The following LRBA variants were observed in gnomAD, a reference collection of about 807,000 sequenced individuals.
The protein encoded by LRBA is LPS responsive beige-like anchor protein.
In LRBA, 176 loss-of-function variants were observed where a neutral mutation model predicts 330.0. That is an observed-to-expected ratio of 0.53 (90% CI 0.47 to 0.60). The LOEUF is 0.60. LRBA is among the 20% of genes least tolerant of loss of function. The pLI is 0.00. For missense variants in LRBA, 3,259 were observed against 3,444.8 expected (o/e 0.95, Z 1.35); for synonymous variants, 1,230 against 1,193.0 (o/e 1.03, Z -0.64).
chr4:151,013,671 G>A (rs1462935073), intron 2 of LRBA: 1 of 152,050 alleles, frequency 6.6e-6, no homozygotes, highest in African/African-American at 2.4e-5. Flanking sequence ...GAACAGCCTG[G>A]GCAACATAGA....
intron 36 of LRBA, among the ~76,000 whole-genome samples, chr4:150,729,351 C>G (rs971269910): frequency 2.0e-5 from 3 of 152,076 alleles, no homozygotes; most frequent in African/African-American, 7.2e-5. Flanking sequence ...TATATGCCAA[C>G]AGTGAACAAT....
intron 38 of LRBA, among the ~76,000 whole-genome samples, chr4:150,598,699 C>A (rs997784882): frequency 8.5e-5 from 13 of 152,104 alleles, no homozygotes; most frequent in African/African-American, 3.1e-4. Context: ...AGGCATGCCT[C>A]CTGGATTCAT....
At chr4:150,490,868 T>C (rs1261675099) in intron 41 of LRBA, 50 bp downstream of exon 41, 2 of 1,068,998 alleles carry the variant, frequency 1.9e-6, no homozygotes, top group Non-Finnish European at 2.8e-6. Flanking sequence ...AATGAAATCT[T>C]AAAGAGATGG....
chr4:150,565,118 A>G (rs1768958287), intron 40 of LRBA, among the ~76,000 whole-genome samples: 1 of 152,314 alleles, frequency 6.6e-6, no homozygotes, highest in South Asian at 2.1e-4. Context: ...AATGCCCATC[A>G]ATGACAGACT....
At chr4:150,586,235 A>G (rs1211591567) in intron 40 of LRBA, among the ~76,000 whole-genome samples, 1 of 152,198 alleles carries the variant, frequency 6.6e-6, no homozygotes, top group Non-Finnish European at 1.5e-5. Context: ...GATAAAAAGA[A>G]TATCTATAAG....
At chr4:150,875,683 G>C (rs1009902244) in intron 17 of LRBA, among the ~76,000 whole-genome samples, 1 of 151,992 alleles carries the variant, frequency 6.6e-6, no homozygotes, top group African/African-American at 2.4e-5. Context: ...TATGAAGACA[G>C]GGAAAGAGAA....
chr4:150,378,585 C>A (rs546747991), intron 47 of LRBA, among the ~76,000 whole-genome samples: 1 of 152,116 alleles, frequency 6.6e-6, no homozygotes, highest in South Asian at 2.1e-4. Context: ...GGAAACAGCA[C>A]GAGCAACTCA....
rs1366408612 is a variant in LRBA at position 150,502,781 on chromosome 4, G to A, written c.6331-11746C>T. On this transcript the variant is annotated intron_variant, in intron 40 of 56. Coordinates refer to ENST00000651943, the MANE Select transcript of LRBA (RefSeq NM_001364905.1). Reference sequence around the variant, plus strand: ...TTGCCTTACCCGAGAAGCGCAAGGGGTCAGGGAATTCCCTTTCCTAGTCAA... The same window carrying A: ...TTGCCTTACCCGAGAAGCGCAAGGGATCAGGGAATTCCCTTTCCTAGTCAA... Among the ~76,000 whole-genome samples the A allele has an allele frequency of 2.0e-5, 3 of 152,256 alleles. No homozygotes were observed. In the East Asian group the frequency reaches 5.8e-4, roughly 29 times the overall value.
intron 47 of LRBA, among the ~76,000 whole-genome samples, chr4:150,364,040 G>A (rs1581119804): frequency 6.6e-6 from 1 of 151,832 alleles, no homozygotes. Flanking sequence ...TGATTACATG[G>A]GAAGGAAAAA....
At chr4:150,902,007 TAC>T (rs749398751) in intron 13 of LRBA, among the ~76,000 whole-genome samples, 4 of 152,032 alleles carry the variant, frequency 2.6e-5, no homozygotes, top group Non-Finnish European at 4.4e-5. Context: ...GTAGCTGAAA[TAC>T]AGTTGAAAAG....
At chr4:150,657,630 C>G (rs1581944699) in intron 37 of LRBA, among the ~76,000 whole-genome samples, 1 of 151,754 alleles carries the variant, frequency 6.6e-6, no homozygotes, top group African/African-American at 2.4e-5. Context: ...TTCCCCAAAA[C>G]TAAGATTATT....
intron 35 of LRBA, among the ~76,000 whole-genome samples, chr4:150,759,679 T>C (rs905574206): frequency 2.0e-5 from 3 of 152,174 alleles, no homozygotes; most frequent in African/African-American, 7.2e-5. Context: ...TTACTTTTTT[T>C]TTTATTGTTT....
intron 36 of LRBA, among the ~76,000 whole-genome samples, chr4:150,695,170 A>G (rs1784516899): frequency 6.6e-6 from 1 of 152,226 alleles, no homozygotes; most frequent in African/African-American, 2.4e-5. Flanking sequence ...TATGGCTGCT[A>G]TCTGTGTTCA....
intron 40 of LRBA, among the ~76,000 whole-genome samples, chr4:150,508,244 G>A (rs995611587): frequency 6.9e-5 from 4 of 58,344 alleles, no homozygotes; most frequent in African/African-American, 1.2e-4. Context: ...AAAAAAAGGG[G>A]GGGGGGGGGA....
At chr4:150,443,853 A>AAATATATATATATATATATAT (rs70941406) in intron 44 of LRBA, among the ~76,000 whole-genome samples, 5 of 75,470 alleles carry the variant, frequency 6.6e-5, no homozygotes, top group Non-Finnish European at 1.2e-4. Context: ...TAATTAAAAA[A>AAATATATATATATATATATAT]ATATATATAT....
At chr4:150,586,620 AG>A (rs1454936872) in intron 40 of LRBA, among the ~76,000 whole-genome samples, 1 of 152,154 alleles carries the variant, frequency 6.6e-6, no homozygotes, top group East Asian at 1.9e-4. Context: ...ATATTTCACA[AG>A]CAACAAGAAA....
intron 2 of LRBA, among the ~76,000 whole-genome samples, chr4:151,002,319 C>A (rs1338734241): frequency 1.3e-5 from 2 of 151,170 alleles, no homozygotes; most frequent in African/African-American, 4.9e-5. Flanking sequence ...GTAATCCCAG[C>A]ACTTTGGAAG....
intron 44 of LRBA, among the ~76,000 whole-genome samples, chr4:150,458,610 A>G (rs1182626609): frequency 6.6e-6 from 1 of 151,870 alleles, no homozygotes; most frequent in East Asian, 1.9e-4. Flanking sequence ...TTATCTTTCC[A>G]GGCTGTTTTC....
intron 35 of LRBA, among the ~76,000 whole-genome samples, chr4:150,756,958 T>C (rs894956758): frequency 6.6e-6 from 1 of 152,196 alleles, no homozygotes; most frequent in Non-Finnish European, 1.5e-5. Flanking sequence ...ATTCAAGATA[T>C]CATAAAACAC....
Sources: allele counts gnomAD v4.1 joint callset (sites outside exome capture counted in the v4.1 genomes callset), GRCh38; gene constraint gnomAD v4.1.1; transcripts MANE v1.5; gene names NCBI Gene and HGNC (gene_info 2026-07-23, HGNC 2026-07-21).